ABTB3: variants seen among roughly 807,000 people sequenced by gnomAD.
The protein encoded by ABTB3 is ankyrin repeat- and BTB/POZ domain-containing protein 3.
chr12:107,374,124 G>A, the ABTB3 span, among the ~76,000 whole-genome samples: 1 of 152,120 alleles, frequency 6.6e-6, no homozygotes, highest in African/African-American at 2.4e-5. Flanking sequence ...GGGGGCAGCC[G>A]CAGCCTCCCC....
At chr12:107,340,394 A>G in the ABTB3 span, among the ~76,000 whole-genome samples, 2 of 152,186 alleles carry the variant, frequency 1.3e-5, no homozygotes, top group Non-Finnish European at 2.9e-5. Context: ...ACACACTCAC[A>G]CTGTGCAGGG....
At chr12:107,360,676 G>C in the ABTB3 span, among the ~76,000 whole-genome samples, 5 of 152,186 alleles carry the variant, frequency 3.3e-5, no homozygotes, top group African/African-American at 1.2e-4. Context: ...TTCCAAAGGG[G>C]AGCCAGGCCC....
the ABTB3 span, among the ~76,000 whole-genome samples, chr12:107,621,627 C>T: frequency 1.6e-4 from 25 of 152,154 alleles, no homozygotes; most frequent in Non-Finnish European, 3.1e-4. Context: ...CTCATAACTA[C>T]GATGCCAAAT....
chr12:107,351,802 C>A, the ABTB3 span, among the ~76,000 whole-genome samples: 1 of 152,100 alleles, frequency 6.6e-6, no homozygotes, highest in African/African-American at 2.4e-5. Flanking sequence ...TATAGCAACA[C>A]AAAACAGACT....
chr12:107,513,420 A>T, the ABTB3 span, among the ~76,000 whole-genome samples: 1 of 152,076 alleles, frequency 6.6e-6, no homozygotes, highest in Non-Finnish European at 1.5e-5. Flanking sequence ...CCTGAAAGTG[A>T]GTGAGTCCTC....
chr12:107,446,593 G>A, the ABTB3 span, among the ~76,000 whole-genome samples: 2 of 152,154 alleles, frequency 1.3e-5, no homozygotes, highest in Non-Finnish European at 2.9e-5. Context: ...AAAGGAGCTC[G>A]GAGCAGCTCT....
At chr12:107,657,807 A>G in the ABTB3 span, 2 of 1,436,022 alleles carry the variant, frequency 1.4e-6, no homozygotes, top group South Asian at 2.4e-5. Context: ...TCCACCTGGC[A>G]CCTGTTTTTG....
chr12:107,421,026 G>T, the ABTB3 span, among the ~76,000 whole-genome samples: 1 of 152,126 alleles, frequency 6.6e-6, no homozygotes, highest in Non-Finnish European at 1.5e-5. Context: ...GAGTAGAGAG[G>T]TTTCAGTAGA....
chr12:107,543,752 C>T, the ABTB3 span, among the ~76,000 whole-genome samples: 1 of 151,896 alleles, frequency 6.6e-6, no homozygotes. Context: ...ATTCAGTAAG[C>T]CCTCCTATGC....
the ABTB3 span, among the ~76,000 whole-genome samples, chr12:107,595,392 G>A: frequency 6.6e-6 from 1 of 152,212 alleles, no homozygotes; most frequent in Admixed American, 6.5e-5. Context: ...GAAAGCAGTA[G>A]GGAAATGTGT....
the ABTB3 span, among the ~76,000 whole-genome samples, chr12:107,325,777 C>T: frequency 2.0e-5 from 3 of 152,184 alleles, no homozygotes; most frequent in Non-Finnish European, 4.4e-5. Context: ...TCAGGCACAC[C>T]TGTAAGCTGC....
At chr12:107,486,070 A>G in the ABTB3 span, among the ~76,000 whole-genome samples, 2 of 152,180 alleles carry the variant, frequency 1.3e-5, no homozygotes, top group Admixed American at 6.5e-5. Flanking sequence ...GTGAAAACTC[A>G]TGGTGAAATT....
the ABTB3 span, among the ~76,000 whole-genome samples, chr12:107,545,790 A>C: frequency 2.6e-5 from 4 of 152,190 alleles, no homozygotes; most frequent in Non-Finnish European, 5.9e-5. Flanking sequence ...ACAAATGCTA[A>C]GAGTTGAGAG....
the ABTB3 span, among the ~76,000 whole-genome samples, chr12:107,469,940 T>TC: frequency 5.0e-4 from 30 of 59,552 alleles, no homozygotes; most frequent in East Asian, 6.8e-3. Context: ...CTCTCTTTCT[T>TC]TCTCTTTCTT....
At chr12:107,513,596 T>C in the ABTB3 span, among the ~76,000 whole-genome samples, 16,477 of 152,194 alleles carry the variant, frequency 0.11, 957 homozygotes, top group African/African-American at 0.14. Context: ...TTAAACCTCT[T>C]TCCTTTCTAA....
chr12:107,636,471 A>T, the ABTB3 span, among the ~76,000 whole-genome samples: 2 of 152,334 alleles, frequency 1.3e-5, no homozygotes, highest in African/African-American at 4.8e-5. Context: ...GAAGACTGAA[A>T]TTTCTACTCT....
chr12:107,369,421 G>A, the ABTB3 span, among the ~76,000 whole-genome samples: 37,829 of 138,206 alleles, frequency 0.27, 5,981 homozygotes, highest in South Asian at 0.43. Flanking sequence ...TTTTTGAGAT[G>A]GAGTCTCGCT....
the ABTB3 span, among the ~76,000 whole-genome samples, chr12:107,350,298 T>C: frequency 6.6e-6 from 1 of 152,106 alleles, no homozygotes; most frequent in Non-Finnish European, 1.5e-5. Flanking sequence ...ACACCTGTAA[T>C]CCCAGCACTT....
chr12:107,356,222 C>G, the ABTB3 span, among the ~76,000 whole-genome samples: 1 of 152,160 alleles, frequency 6.6e-6, no homozygotes, highest in African/African-American at 2.4e-5. Context: ...TAGGCTGTGT[C>G]TGTGTTTTAT....
Sources: allele counts gnomAD v4.1 joint callset (sites outside exome capture counted in the v4.1 genomes callset), GRCh38; gene constraint gnomAD v4.1.1; transcripts MANE v1.5; gene names NCBI Gene and HGNC (gene_info 2026-07-23, HGNC 2026-07-21).